The following RBM6 variants were observed in gnomAD, a reference collection of about 807,000 sequenced individuals.
RBM6 encodes RNA binding motif protein 6.
Under a neutral mutation model 140.4 loss-of-function variants are expected in RBM6, and 23 were observed. The ratio of observed to expected loss-of-function variants is 0.16; its 90% CI spans 0.12 to 0.23. The LOEUF (loss-of-function observed/expected upper bound fraction) is 0.23. RBM6 is among the 10% of genes least tolerant of loss of function. The pLI, the probability that RBM6 is intolerant of heterozygous loss-of-function variation, is 1.00. For missense variants in RBM6, 1,139 were observed against 1,386.7 expected, an observed-to-expected ratio of 0.82 and a Z score of 2.84; for synonymous variants, 439 against 475.6, an observed-to-expected ratio of 0.92 and a Z score of 1.00.
chr3:50,010,341 T>G (rs1325794991), intron 6 of RBM6, among the ~76,000 whole-genome samples: 1 of 152,136 alleles, frequency 6.6e-6, no homozygotes, highest in Non-Finnish European at 1.5e-5. Context: ...GAAAAGGTGG[T>G]GTATCACAGG....
At chr3:50,018,009 G>A (rs2087259458) in intron 6 of RBM6, among the ~76,000 whole-genome samples, 1 of 152,170 alleles carries the variant, frequency 6.6e-6, no homozygotes, top group African/African-American at 2.4e-5. Flanking sequence ...ATCCTGCAGT[G>A]TAGTGTATAT....
rs201750507 is a variant in RBM6 at position 50,059,667 on chromosome 3, A to C, written c.2149A>C (p.Lys717Gln). 1.3e-5 allele frequency: 21 copies of C among 1,613,662 alleles called. No homozygotes were observed. Among genetic ancestry groups the C allele is most frequent in the Non-Finnish European group, 1.6e-5 (19 of 1,179,808 alleles). ...TCTATAGGAAGCTCTTCGTGTGGTG[A>C]AGATCTTACAGAACCTTGATCCGCC... ...DSHAEALRVVKILQNLDPPFS... is the reference protein window; with the variant it reads ...DSHAEALRVVQILQNLDPPFS... The change falls in exon 11 of 21, where the codon AAG (lysine) becomes CAG (glutamine). Residue 717 changes from lysine to glutamine, a missense_variant. Around this residue, in one of 9 missense-constraint regions of RBM6, gnomAD observed 47 missense variants for 117.6 expected, o/e 0.40. Transcript: ENST00000266022.
intron 6 of RBM6, among the ~76,000 whole-genome samples, chr3:50,041,177 A>T (rs550355300): frequency 1.3e-5 from 2 of 152,352 alleles, no homozygotes; most frequent in African/African-American, 4.8e-5. Flanking sequence ...GTGGCAGCTG[A>T]CAGGGCAGTG....
chr3:50,031,414 G>A (rs911974408), intron 6 of RBM6, among the ~76,000 whole-genome samples: 2 of 152,160 alleles, frequency 1.3e-5, no homozygotes, highest in African/African-American at 4.8e-5. Flanking sequence ...AAAAAAGGAT[G>A]AGTTCATGTC....
At chr3:50,039,159 A>T (rs1396369429) in intron 6 of RBM6, among the ~76,000 whole-genome samples, 1 of 152,204 alleles carries the variant, frequency 6.6e-6, no homozygotes, top group African/African-American at 2.4e-5. Context: ...TCTGAGAATT[A>T]TCAGTAAAAT....
chr3:50,052,996 T>TGTGG (rs1321772442), intron 7 of RBM6, among the ~76,000 whole-genome samples: 1 of 86,064 alleles, frequency 1.2e-5, no homozygotes, highest in Non-Finnish European at 2.8e-5. Context: ...GGTGTGTGTG[T>TGTGG]GTGTGTGTGT....
chr3:49,946,540 TTTTC>T (rs1266764804), intron 1 of RBM6, among the ~76,000 whole-genome samples: 1 of 151,058 alleles, frequency 6.6e-6, no homozygotes, highest in Non-Finnish European at 1.5e-5. Flanking sequence ...GCGCCTGGCA[TTTTC>T]TTTTTTTTTG....
chr3:50,007,413 C>T (rs1401352356), intron 6 of RBM6, among the ~76,000 whole-genome samples: 2 of 151,928 alleles, frequency 1.3e-5, no homozygotes, highest in East Asian at 3.9e-4. Context: ...TCTCGAACTC[C>T]TGAGGTCAAA....
At chr3:49,963,901 C>T (rs1236936294) in intron 2 of RBM6, among the ~76,000 whole-genome samples, 2 of 151,742 alleles carry the variant, frequency 1.3e-5, no homozygotes, top group Non-Finnish European at 2.9e-5. Context: ...GTACATTTTC[C>T]TTTTTTTACC....
intron 6 of RBM6, among the ~76,000 whole-genome samples, chr3:50,036,822 G>T (rs1381371192): frequency 6.6e-6 from 1 of 151,696 alleles, no homozygotes; most frequent in Non-Finnish European, 1.5e-5. Flanking sequence ...TTGCTCTGTC[G>T]CGAGGCTAGA....
chr3:50,003,308 T>TAA (rs61492386), intron 6 of RBM6, among the ~76,000 whole-genome samples: 1 of 112,778 alleles, frequency 8.9e-6, no homozygotes, highest in Non-Finnish European at 1.8e-5. Flanking sequence ...TGTCTAAATT[T>TAA]AAAAAAAAAA....
intron 6 of RBM6, among the ~76,000 whole-genome samples, chr3:50,040,485 T>TACAC (rs1262333992): frequency 8.3e-6 from 1 of 119,878 alleles, no homozygotes; most frequent in East Asian, 2.2e-4. Flanking sequence ...TATATATATA[T>TACAC]ATATATATAC....
At chr3:50,027,757 G>A (rs781183250) in intron 6 of RBM6, among the ~76,000 whole-genome samples, 1 of 152,132 alleles carries the variant, frequency 6.6e-6, no homozygotes, top group Non-Finnish European at 1.5e-5. Flanking sequence ...AGACATTTAG[G>A]TTGTTTCCAC....
chr3:50,049,130 A>G (rs1559630285), intron 7 of RBM6, among the ~76,000 whole-genome samples: 1 of 150,568 alleles, frequency 6.6e-6, no homozygotes, highest in Non-Finnish European at 1.5e-5. Flanking sequence ...TTATTTTGAG[A>G]CAGAGTCTTG....
chr3:49,972,441 C>A (rs1010028240), intron 4 of RBM6, among the ~76,000 whole-genome samples: 24 of 152,144 alleles, frequency 1.6e-4, no homozygotes, highest in African/African-American at 5.6e-4. Flanking sequence ...TCTCTTTAGA[C>A]CTGATCACAT....
intron 6 of RBM6, among the ~76,000 whole-genome samples, chr3:50,027,973 A>G (rs556619892): frequency 2.1e-4 from 32 of 152,218 alleles, no homozygotes; most frequent in African/African-American, 6.7e-4. Flanking sequence ...TTAGATAACC[A>G]GGTTTCAATT....
At chr3:50,055,249 G>A (rs569701147) in intron 8 of RBM6, among the ~76,000 whole-genome samples, 28 of 152,302 alleles carry the variant, frequency 1.8e-4, no homozygotes, top group African/African-American at 6.5e-4. Context: ...CCAACATGCC[G>A]AAACCCTGTC....
chr3:50,066,624 A>G, intron 17 of RBM6, 122 bp downstream of exon 17: 1 of 1,251,706 alleles, frequency 8.0e-7, no homozygotes, highest in Non-Finnish European at 1.1e-6. Context: ...GCTCAGAAGT[A>G]CAAGACCAGT....
chr3:50,054,114 A>G (rs1035999137), intron 7 of RBM6: 9 of 486,172 alleles, frequency 1.9e-5, no homozygotes, highest in Non-Finnish European at 3.3e-5. Flanking sequence ...GGGCTGCACC[A>G]AAGTCCCAGA....
Sources: allele counts gnomAD v4.1 joint callset (sites outside exome capture counted in the v4.1 genomes callset), GRCh38; gene constraint gnomAD v4.1.1; regional missense constraint gnomAD v4.1.1; transcripts MANE v1.5; gene names NCBI Gene and HGNC (gene_info 2026-07-23, HGNC 2026-07-21).